GLG1: variants seen among roughly 807,000 people sequenced by gnomAD.
GLG1 encodes Golgi apparatus protein 1.
In GLG1, 38 loss-of-function variants were observed where a neutral mutation model predicts 160.5. That is an observed-to-expected ratio of 0.24 (90% CI 0.18 to 0.31). The LOEUF is 0.31. Among genes scored for constraint, GLG1 ranks in the 10% least tolerant of loss-of-function variants. The pLI, the probability that GLG1 is intolerant of heterozygous loss-of-function variation, is 1.00. For missense variants in GLG1, 1,373 were observed against 1,505.2 expected (o/e 0.91, Z 1.45); for synonymous variants, 644 against 543.4 (o/e 1.19, Z -2.57).
At chr16:74,520,337 C>A (rs1435139380) in intron 2 of GLG1, among the ~76,000 whole-genome samples, 2 of 152,118 alleles carry the variant, frequency 1.3e-5, no homozygotes, top group South Asian at 2.1e-4. Context: ...CCTCCAGGGG[C>A]TTTATTTAAA....
intron 2 of GLG1, among the ~76,000 whole-genome samples, chr16:74,522,613 G>A (rs1448897559): frequency 6.6e-6 from 1 of 152,028 alleles, no homozygotes; most frequent in Non-Finnish European, 1.5e-5. Context: ...TGGATACACT[G>A]TCAGACGTAT....
intron 1 of GLG1, among the ~76,000 whole-genome samples, chr16:74,595,693 G>C (rs532708755): frequency 1.3e-5 from 2 of 152,146 alleles, no homozygotes; most frequent in Non-Finnish European, 2.9e-5. Flanking sequence ...TTCTAGATCA[G>C]TGCTATTCAT....
chr16:74,478,013 T>A (rs117242337), intron 11 of GLG1, among the ~76,000 whole-genome samples: 76 of 150,484 alleles, frequency 5.1e-4, no homozygotes, highest in Admixed American at 1.4e-3. Context: ...AATAAATAAA[T>A]AAAATGTGCA....
Position 74,452,313 on chromosome 16 carries a change from G to A in GLG1, c.*854C>T. 1 of 1,405,984 alleles carries A rather than the reference G, an allele frequency of 7.1e-7. No individual in the cohort carries two copies. Among genetic ancestry groups the A allele is most frequent in the South Asian group, 1.5e-5 (1 of 65,464 alleles). The allele number at this position is 1,405,984 out of a possible 1,614,324, so 87.1% of individuals were successfully genotyped here. On this transcript the variant is annotated 3_prime_UTR_variant, in exon 26 of 26. Coordinates refer to ENST00000422840, the MANE Select transcript of GLG1 (RefSeq NM_001145667.2). ...ACATGGCTGAGTCCTGTGCTGCCCT[G>A]GAGGAGGAAGGTTCCTGGGATCCTG...
At chr16:74,475,212 C>G (rs1414835979) in intron 12 of GLG1, among the ~76,000 whole-genome samples, 2 of 146,814 alleles carry the variant, frequency 1.4e-5, no homozygotes, top group Non-Finnish European at 3.0e-5. Context: ...AAGACCAAAT[C>G]TACAAGTGCA....
chr16:74,530,907 AC>A (rs1486508267), intron 2 of GLG1, among the ~76,000 whole-genome samples: 1 of 152,082 alleles, frequency 6.6e-6, no homozygotes, highest in African/African-American at 2.4e-5. Context: ...TTTATTGGAC[AC>A]CTTTTTCTTT....
intron 3 of GLG1, among the ~76,000 whole-genome samples, chr16:74,507,997 G>A (rs574142596): frequency 2.6e-5 from 4 of 152,028 alleles, no homozygotes; most frequent in African/African-American, 9.7e-5. Flanking sequence ...GTAAATATGA[G>A]GGGTCACTGC....
At chr16:74,541,772 A>T (rs1303257532) in intron 1 of GLG1, among the ~76,000 whole-genome samples, 1 of 152,136 alleles carries the variant, frequency 6.6e-6, no homozygotes, top group Non-Finnish European at 1.5e-5. Flanking sequence ...TACATGACAC[A>T]CATGTTTTAT....
At chr16:74,476,046 G>A (rs988916555) in intron 12 of GLG1, among the ~76,000 whole-genome samples, 13 of 152,208 alleles carry the variant, frequency 8.5e-5, no homozygotes, top group Middle Eastern at 3.4e-3. Context: ...GGTGGGTGTG[G>A]TGGCAGGTGC....
intron 21 of GLG1, 131 bp downstream of exon 21, chr16:74,462,357 G>A (rs1433299923): frequency 3.4e-5 from 30 of 889,852 alleles, no homozygotes; most frequent in Non-Finnish European, 5.0e-5. Context: ...TGGCCCCTTA[G>A]CCCCCCAGGT....
At chr16:74,553,577 A>G (rs1188756766) in intron 1 of GLG1, among the ~76,000 whole-genome samples, 1 of 142,330 alleles carries the variant, frequency 7.0e-6, no homozygotes, top group African/African-American at 2.6e-5. Flanking sequence ...GGTTCACACC[A>G]TTCTCCTGCC....
At chr16:74,602,925 C>G (rs546710703) in intron 1 of GLG1, among the ~76,000 whole-genome samples, 5 of 152,152 alleles carry the variant, frequency 3.3e-5, no homozygotes, top group Middle Eastern at 6.8e-3. Context: ...GTTTGGGAGG[C>G]CGACGCAGGC....
At chr16:74,496,418 G>C (rs62052085) in intron 5 of GLG1, 23 bp downstream of exon 5, 2 of 1,488,144 alleles carry the variant, frequency 1.3e-6, no homozygotes, top group South Asian at 2.3e-5. Flanking sequence ...AGGAAGAAAA[G>C]AACAGTTTCT....
intron 2 of GLG1, among the ~76,000 whole-genome samples, chr16:74,511,372 C>G (rs2016797652): frequency 6.6e-6 from 1 of 151,924 alleles, no homozygotes; most frequent in Admixed American, 6.6e-5. Flanking sequence ...AGTTTTTAGG[C>G]TGGGCATGGT....
At chr16:74,572,512 CAAAAAAAAAACAAACAAA>C (rs2018858303) in intron 1 of GLG1, among the ~76,000 whole-genome samples, 1 of 56,272 alleles carries the variant, frequency 1.8e-5, no homozygotes, top group Non-Finnish European at 3.3e-5. Context: ...GACTCTGTCT[CAAAAAAAAAACAAACAAA>C]AAAAAAAAAA....
intron 1 of GLG1, among the ~76,000 whole-genome samples, chr16:74,547,938 T>C (rs1169355511): frequency 6.6e-6 from 1 of 152,178 alleles, no homozygotes; most frequent in African/African-American, 2.4e-5. Flanking sequence ...CCAAAGTTGT[T>C]TGTTTGTTTT....
intron 25 of GLG1, among the ~76,000 whole-genome samples, chr16:74,456,194 C>T (rs962670182): frequency 6.6e-6 from 1 of 152,220 alleles, no homozygotes; most frequent in Admixed American, 6.5e-5. Flanking sequence ...CTTTGGGTGA[C>T]TCACTTTTCA....
intron 2 of GLG1, among the ~76,000 whole-genome samples, chr16:74,509,415 A>T (rs1375546453): frequency 6.6e-6 from 1 of 152,076 alleles, no homozygotes; most frequent in East Asian, 1.9e-4. Flanking sequence ...GCTTGAACCA[A>T]AAAGTCTAAT....
chr16:74,599,757 G>A lies in GLG1; in HGVS notation c.438+6900C>T, dbSNP rs1488383989. Among the ~76,000 whole-genome samples the A allele has an allele frequency of 5.3e-5, 8 of 152,078 alleles. No homozygotes were observed. The East Asian group carries it at 5.8e-4, about 11-fold the overall frequency. ...TGGGCGCCTGTAGTCCCAGCTACTC[G>A]GGAGGCTGAGGCAGGAGAATGGCGT... On this transcript the variant is annotated intron_variant, in intron 1 of 25. Transcript: ENST00000422840.
Sources: allele counts gnomAD v4.1 joint callset (sites outside exome capture counted in the v4.1 genomes callset), GRCh38; gene constraint gnomAD v4.1.1; transcripts MANE v1.5; gene names NCBI Gene and HGNC (gene_info 2026-07-23, HGNC 2026-07-21).